The following CLEC6A variants were observed in gnomAD, a reference collection of about 807,000 sequenced individuals.
CLEC6A encodes C-type lectin domain containing 6A.
A neutral mutation model predicts 25.7 loss-of-function variants in CLEC6A; 22 were observed. The observed-to-expected ratio is 0.85, with a 90% CI of 0.61 to 1.22. The LOEUF is 1.22. Among genes scored for constraint, CLEC6A ranks in the 50% most tolerant of loss-of-function variants. CLEC6A has a pLI of 0.00. For missense variants in CLEC6A, 240 were observed against 236.8 expected (o/e 1.01, Z -0.09); for synonymous variants, 92 against 76.7 (o/e 1.20, Z -1.04).
chr12:8,460,151 C>T (rs566222055), intron 3 of CLEC6A, among the ~76,000 whole-genome samples: 8 of 152,182 alleles, frequency 5.3e-5, no homozygotes, highest in East Asian at 3.9e-4. Context: ...ACTTCATATG[C>T]GGAGAGTTGG....
In CLEC6A at chr12:8,476,280, A is replaced by G. The variant is rs557859129; in HGVS notation, c.485+40A>G. On this transcript the variant is annotated intron_variant, in intron 5 of 5. Coordinates refer to ENST00000382073, the MANE Select transcript of CLEC6A (RefSeq NM_001007033.2). ...GGGGCCTTGTTTACATAGAAAATCT[A>G]GGGAAATTTTGTTAGGAGTTACTAA... 47 of 1,214,574 alleles carry G rather than the reference A, an allele frequency of 3.9e-5. 1 individual carries two copies. In the South Asian group the frequency reaches 5.9e-4, roughly 15 times the overall value. The allele number at this position is 1,214,574 out of a possible 1,614,324, so 75.2% of individuals were successfully genotyped here.
intron 4 of CLEC6A, among the ~76,000 whole-genome samples, chr12:8,469,373 A>G (rs1939875640): frequency 6.6e-6 from 1 of 152,146 alleles, no homozygotes; most frequent in African/African-American, 2.4e-5. Context: ...AGCAGTCTAC[A>G]AATTCAATGT....
At chr12:8,460,538 G>A (rs1939739149) in intron 3 of CLEC6A, 1 of 723,558 alleles carries the variant, frequency 1.4e-6, no homozygotes, top group Non-Finnish European at 2.3e-6. Flanking sequence ...GGTGGAGACA[G>A]AGAACCAAAC....
chr12:8,457,039 G>T (rs1050648914), intron 1 of CLEC6A, among the ~76,000 whole-genome samples: 5 of 152,052 alleles, frequency 3.3e-5, no homozygotes, highest in African/African-American at 7.3e-5. Context: ...GAACCCAGGA[G>T]GTGGAGGTTG....
rs765170664 is a variant in CLEC6A, at chr12:8,457,795, C to T, written c.32-103C>T. The T allele has an allele frequency of 4.4e-4, 351 of 792,868 alleles. 2 individuals carry two copies. The African/African-American group carries it at 5.7e-3, about 13-fold the overall frequency. 49.1% of individuals were successfully genotyped at this position (792,868 alleles called of 1,614,324 possible). A position where few individuals can be genotyped will look rare whatever the true frequency, so the allele number is the denominator to read the frequency against. Reference sequence around the variant, plus strand: ...TCTTCTTGCTTTAAGTTTTTAACTGCTCTGAGGTTCTTCATCTAGTTTGTT... The same window carrying T: ...TCTTCTTGCTTTAAGTTTTTAACTGTTCTGAGGTTCTTCATCTAGTTTGTT... On this transcript the variant is annotated intron_variant, in intron 1 of 5. Coordinates refer to ENST00000382073, the MANE Select transcript of CLEC6A (RefSeq NM_001007033.2).
intron 4 of CLEC6A, among the ~76,000 whole-genome samples, chr12:8,471,043 T>G (rs1939899988): frequency 6.6e-6 from 1 of 152,110 alleles, no homozygotes; most frequent in Admixed American, 6.5e-5. Flanking sequence ...TATGCACCAA[T>G]TGAGGTAATC....
Position 8,456,145 on chromosome 12 carries a change from G to T in CLEC6A, c.31+3G>T. 6.2e-7 allele frequency: 1 copy of T among 1,613,676 alleles called. No individual in the cohort carries two copies. Among genetic ancestry groups the T allele is most frequent in the Non-Finnish European group, 8.5e-7 (1 of 1,179,760 alleles). ...AGAGCAGCAACCTCAAAGTACAGGT[G>T]AGTATTTCCTCAGTTTCAGAGGAAA... On this transcript the variant is annotated splice_donor_region_variant and intron_variant, in intron 1 of 5. Transcript: ENST00000382073.
rs4402377 is a variant in CLEC6A, at chr12:8,457,756, G to T, written c.32-142G>T. The stretch of plus-strand genomic sequence containing the variant: ...TACTACCTGGTTATTTATTCTGAGG[G>T]AGTTTGTAAGCTGTCTTCTTGCTTT... On this transcript the variant is annotated intron_variant, in intron 1 of 5. Coordinates refer to ENST00000382073, the MANE Select transcript of CLEC6A (RefSeq NM_001007033.2). 4.6e-3 allele frequency: 2,898 copies of T among 625,632 alleles called. 76 individuals carry two copies. The African/African-American group carries it at 0.049, about 11-fold the overall frequency. The allele number at this position is 625,632 out of a possible 1,614,324, so 38.8% of individuals were successfully genotyped here.
At chr12:8,459,769 G>A in intron 3 of CLEC6A, 71 bp downstream of exon 3, 1 of 965,300 alleles carries the variant, frequency 1.0e-6, no homozygotes, top group East Asian at 2.4e-5. Context: ...CTCAAGATTG[G>A]TGTATTCTAT....
At chr12:8,476,050 A>G (rs1436395577) in intron 4 of CLEC6A, 75 bp from the exon 5 acceptor site, 2 of 876,062 alleles carry the variant, frequency 2.3e-6, no homozygotes, top group Non-Finnish European at 3.6e-6. Context: ...ATAGCTCTGA[A>G]GGCTATAAGC....
At chr12:8,461,238 G>A in intron 3 of CLEC6A, 1 of 681,112 alleles carries the variant, frequency 1.5e-6, no homozygotes, top group South Asian at 1.7e-5. Context: ...GCTAACATAA[G>A]TAAAGTTTGT....
chr12:8,477,299 T>C, intron 5 of CLEC6A, 21 bp from the exon 6 acceptor site: 1 of 1,596,706 alleles, frequency 6.3e-7, no homozygotes, highest in Non-Finnish European at 8.5e-7. Context: ...AGATGTGTAC[T>C]ACCTTTTTGT....
chr12:8,464,304 T>C (rs893625445), intron 3 of CLEC6A, among the ~76,000 whole-genome samples: 2 of 151,398 alleles, frequency 1.3e-5, no homozygotes, highest in African/African-American at 4.9e-5. Context: ...ACATATCTTA[T>C]CATTGCTGTT....
At chr12:8,471,116 A>C (rs1038506620) in intron 4 of CLEC6A, among the ~76,000 whole-genome samples, 1 of 152,040 alleles carries the variant, frequency 6.6e-6, no homozygotes, top group East Asian at 1.9e-4. Context: ...TGTGTTGAAC[A>C]ATTTTTACAT....
chr12:8,466,068 T>C (rs1267717711), intron 4 of CLEC6A, among the ~76,000 whole-genome samples: 1 of 152,196 alleles, frequency 6.6e-6, no homozygotes, highest in East Asian at 1.9e-4. Flanking sequence ...TTTGTTTTAT[T>C]TGATTTCTTA....
At chr12:8,473,680 C>T (rs367719413) in intron 4 of CLEC6A, among the ~76,000 whole-genome samples, 7 of 152,058 alleles carry the variant, frequency 4.6e-5, no homozygotes, top group East Asian at 1.9e-4. Context: ...TGAACTAATT[C>T]GCATTCCCAC....
intron 4 of CLEC6A, among the ~76,000 whole-genome samples, chr12:8,467,460 T>C (rs1343484054): frequency 1.3e-5 from 2 of 152,218 alleles, no homozygotes; most frequent in Admixed American, 6.5e-5. Flanking sequence ...TCTTTCCCCA[T>C]TGTGTGGTAT....
chr12:8,472,360 TG>T (rs1939916771), intron 4 of CLEC6A, among the ~76,000 whole-genome samples: 1 of 152,188 alleles, frequency 6.6e-6, no homozygotes, highest in Admixed American at 6.6e-5. Context: ...CCAAATATGT[TG>T]TGTTTCCTAT....
intron 3 of CLEC6A, chr12:8,461,234 A>T: frequency 1.4e-6 from 1 of 717,788 alleles, no homozygotes; most frequent in Non-Finnish European, 2.4e-6. Flanking sequence ...TACCGCTAAC[A>T]TAAGTAAAGT....
Sources: gnomAD v4.1 joint callset for allele counts (sites outside exome capture counted in the v4.1 genomes callset) on GRCh38, gnomAD v4.1.1 for gene constraint, MANE v1.5 for transcripts, NCBI Gene and HGNC (gene_info 2026-07-23, HGNC 2026-07-21) for gene names.